SLC44A5: variants seen among roughly 807,000 people sequenced by gnomAD.
SLC44A5 encodes the protein solute carrier family 44 member 5, also known as choline transporter-like protein 5.
SLC44A5 carries 57 observed loss-of-function variants against 101.8 expected under a neutral mutation model. That is an observed-to-expected ratio of 0.56 (90% CI 0.45 to 0.70). The LOEUF is 0.70. Among genes scored for constraint, SLC44A5 ranks in the 30% least tolerant of loss-of-function variants. The probability of loss-of-function intolerance (pLI) is 0.00; values close to 1 mark genes in which losing one functional copy is unlikely to be tolerated. For synonymous variants in SLC44A5, 281 were observed against 290.9 expected (o/e 0.97, Z 0.35); for missense variants, 737 against 853.1 (o/e 0.86, Z 1.70).
intron 2 of SLC44A5, among the ~76,000 whole-genome samples, chr1:75,485,591 A>G (rs1468196983): frequency 5.3e-5 from 8 of 152,096 alleles, no homozygotes; most frequent in Non-Finnish European, 8.8e-5. Flanking sequence ...TGAGCCCTCC[A>G]AACTGTTCCA....
chr1:75,538,992 T>C (rs1224336201), intron 2 of SLC44A5, among the ~76,000 whole-genome samples: 1 of 152,170 alleles, frequency 6.6e-6, no homozygotes, highest in Admixed American at 6.5e-5. Context: ...GTTTTAAGCA[T>C]CAGGCTTAGC....
chr1:75,374,556 GC>G (rs1286910863), intron 3 of SLC44A5, among the ~76,000 whole-genome samples: 2 of 152,070 alleles, frequency 1.3e-5, no homozygotes, highest in East Asian at 3.9e-4. Context: ...GTCATCTTTT[GC>G]CCCCCATTCC....
the SLC44A5 span, among the ~76,000 whole-genome samples, chr1:75,634,157 A>C: frequency 6.6e-6 from 1 of 152,148 alleles, no homozygotes; most frequent in African/African-American, 2.4e-5. Context: ...ATCAATGTTC[A>C]TCAAGGATAT....
chr1:75,341,874 C>A (rs1657911243), intron 3 of SLC44A5, among the ~76,000 whole-genome samples: 1 of 152,156 alleles, frequency 6.6e-6, no homozygotes, highest in South Asian at 2.1e-4. Flanking sequence ...TTCCAACAAT[C>A]CCCCATATCA....
At chr1:75,591,555 G>A (rs953017881) in intron 1 of SLC44A5, among the ~76,000 whole-genome samples, 1 of 151,744 alleles carries the variant, frequency 6.6e-6, no homozygotes, top group Non-Finnish European at 1.5e-5. Context: ...GTATTATGGT[G>A]ATAACAAAGA....
chr1:75,272,063 T>G (rs1651522649), intron 6 of SLC44A5, among the ~76,000 whole-genome samples: 1 of 152,082 alleles, frequency 6.6e-6, no homozygotes, highest in Admixed American at 6.6e-5. Context: ...TCCCTGATGA[T>G]TAGTGTGTTG....
intron 5 of SLC44A5, among the ~76,000 whole-genome samples, chr1:75,281,063 G>A (rs528288093): frequency 2.0e-5 from 3 of 152,236 alleles, no homozygotes; most frequent in Admixed American, 6.5e-5. Flanking sequence ...AAGAAGACAG[G>A]AAAATGTGGG....
In SLC44A5 at chr1:75,228,527, T is replaced by C. The variant is rs558066416; in HGVS notation, c.854-670A>G. 8.5e-5 allele frequency among the ~76,000 whole-genome samples: 13 copies of C among 152,136 alleles called. No homozygotes were observed. In the South Asian group the frequency reaches 2.3e-3, roughly 27 times the overall value. ...TGACCTGACAATCTCTGTATTCTAA[T>C]TGGTGAGTTTAACATATTTATACTT... On this transcript the variant is annotated intron_variant, in intron 12 of 23. Transcript: ENST00000370859.
chr1:75,370,776 G>A (rs183443756), intron 3 of SLC44A5, among the ~76,000 whole-genome samples: 2 of 152,176 alleles, frequency 1.3e-5, no homozygotes, highest in South Asian at 2.1e-4. Flanking sequence ...GAAGAGTCAG[G>A]GGTGTCAGAG....
the SLC44A5 span, among the ~76,000 whole-genome samples, chr1:75,710,977 C>G: frequency 6.6e-5 from 10 of 152,210 alleles, no homozygotes; most frequent in East Asian, 1.9e-3. Flanking sequence ...ATTGGCTTCC[C>G]CTGTTCCTAG....
chr1:75,536,823 G>A (rs1381908581), intron 2 of SLC44A5, among the ~76,000 whole-genome samples: 2 of 141,636 alleles, frequency 1.4e-5, no homozygotes, highest in African/African-American at 2.6e-5. Flanking sequence ...CGGCTAAAAC[G>A]GTGAAACCCC....
chr1:75,215,749 C>T lies in SLC44A5; in HGVS notation c.1728+5G>A. 6.5e-7 allele frequency: 1 copy of T among 1,531,214 alleles called. No homozygotes were observed. Among genetic ancestry groups the T allele is most frequent in the African/African-American group, 1.4e-5 (1 of 73,128 alleles). 94.9% of individuals were successfully genotyped at this position (1,531,214 alleles called of 1,614,324 possible). On this transcript the variant is annotated splice_donor_5th_base_variant and intron_variant, in intron 19 of 23. Transcript: ENST00000370859. ...GCTTAGTAAATAATAAAATAATCTA[C>T]CTACCATAATATAGGCATTTCTGTT... is the stretch of plus-strand genomic sequence containing the variant.
intron 2 of SLC44A5, among the ~76,000 whole-genome samples, chr1:75,469,263 G>A (rs1666977511): frequency 6.6e-6 from 1 of 152,076 alleles, no homozygotes; most frequent in African/African-American, 2.4e-5. Flanking sequence ...CACATTTCAG[G>A]TGCTCAATAG....
At chr1:75,206,621 T>G (rs574131002) in intron 23 of SLC44A5, 2 of 1,607,876 alleles carry the variant, frequency 1.2e-6, no homozygotes, top group African/African-American at 2.7e-5. Context: ...TCTTTCTGCT[T>G]CTGGGGAACT....
chr1:75,459,925 G>A (rs74089258), intron 2 of SLC44A5, among the ~76,000 whole-genome samples: 15,614 of 152,134 alleles, frequency 0.1, 973 homozygotes, highest in Admixed American at 0.19. Flanking sequence ...CAGGAGGCAC[G>A]TGAATCTTAT....
the SLC44A5 span, among the ~76,000 whole-genome samples, chr1:75,694,405 A>T: frequency 6.6e-6 from 1 of 152,020 alleles, no homozygotes; most frequent in Admixed American, 6.6e-5. Flanking sequence ...AGCCATTGGT[A>T]CATGTTAATT....
intron 3 of SLC44A5, among the ~76,000 whole-genome samples, chr1:75,363,213 G>A (rs1659620777): frequency 6.6e-6 from 1 of 151,870 alleles, no homozygotes; most frequent in Non-Finnish European, 1.5e-5. Flanking sequence ...TAAGTCTCTT[G>A]TAGGCAGTAT....
chr1:75,644,817 G>A, the SLC44A5 span, among the ~76,000 whole-genome samples: 6 of 144,510 alleles, frequency 4.2e-5, no homozygotes, highest in Admixed American at 4.3e-4. Context: ...AGGCCCCAGT[G>A]TGTGATGTTC....
chr1:75,654,635 C>T, the SLC44A5 span, among the ~76,000 whole-genome samples: 1 of 152,122 alleles, frequency 6.6e-6, no homozygotes, highest in Admixed American at 6.6e-5. Context: ...CAAAGAATCT[C>T]ACAAACTAAA....
Sources: gnomAD v4.1 joint callset for allele counts (sites outside exome capture counted in the v4.1 genomes callset) on GRCh38, gnomAD v4.1.1 for gene constraint, MANE v1.5 for transcripts, NCBI Gene and HGNC (gene_info 2026-07-23, HGNC 2026-07-21) for gene names.